MCC: variants seen among roughly 807,000 people sequenced by gnomAD.
The protein encoded by MCC is MCC regulator of Wnt signaling pathway.
In MCC, 90 loss-of-function variants were observed where a neutral mutation model predicts 116.2. That is an observed-to-expected ratio of 0.77 (90% CI 0.65 to 0.92). The LOEUF is 0.92. Among genes scored for constraint, MCC ranks in the 40% least tolerant of loss-of-function variants. The pLI, the probability that MCC is intolerant of heterozygous loss-of-function variation, is 0.00. For missense variants in MCC, 1,516 were observed against 1,312.2 expected, an observed-to-expected ratio of 1.16 and a Z score of -2.40; for synonymous variants, 578 against 510.5, an observed-to-expected ratio of 1.13 and a Z score of -1.78.
intron 8 of MCC, among the ~76,000 whole-genome samples, chr5:113,099,267 T>C (rs1254797506): frequency 6.6e-6 from 1 of 152,228 alleles, no homozygotes. Flanking sequence ...ACTATACTAG[T>C]TGCACAAACT....
intron 1 of MCC, chr5:113,400,140 T>TTTTTTTTTTG (rs869250781): frequency 8.5e-6 from 1 of 118,190 alleles, no homozygotes; most frequent in Non-Finnish European, 1.8e-5. Context: ...TTTTTTTTTT[T>TTTTTTTTTTG]GAGATGGAGT....
chr5:113,343,866 A>G (rs911835201), intron 2 of MCC, among the ~76,000 whole-genome samples: 1 of 152,210 alleles, frequency 6.6e-6, no homozygotes, highest in Admixed American at 6.5e-5. Flanking sequence ...TCTGAGGTGG[A>G]GCAAGATGGC....
At chr5:113,177,881 T>C (rs1328555809) in intron 3 of MCC, among the ~76,000 whole-genome samples, 3 of 152,244 alleles carry the variant, frequency 2.0e-5, no homozygotes, top group African/African-American at 7.2e-5. Context: ...AGGTAGTTTC[T>C]AATCTTTACT....
At chr5:113,333,605 G>C (rs1767752443) in intron 3 of MCC, among the ~76,000 whole-genome samples, 1 of 150,658 alleles carries the variant, frequency 6.6e-6, no homozygotes, top group East Asian at 1.9e-4. Context: ...ACAGCCTTGA[G>C]CAGCAGGGTG....
At chr5:113,179,995 G>T (rs147475293) in intron 3 of MCC, among the ~76,000 whole-genome samples, 1 of 152,102 alleles carries the variant, frequency 6.6e-6, no homozygotes, top group African/African-American at 2.4e-5. Context: ...AGCTTCAGAC[G>T]ATGTGCTAAA....
intron 3 of MCC, among the ~76,000 whole-genome samples, chr5:113,320,111 A>G (rs1266742425): frequency 1.3e-5 from 2 of 152,208 alleles, no homozygotes; most frequent in Non-Finnish European, 2.9e-5. Context: ...TTTATTTCCT[A>G]ATCTTCTATA....
chr5:113,109,026 G>A (rs978889245), intron 6 of MCC, among the ~76,000 whole-genome samples: 10 of 152,180 alleles, frequency 6.6e-5, no homozygotes, highest in African/African-American at 2.4e-4. Flanking sequence ...AAGGTACTAC[G>A]TCAAGGTACC....
At chr5:113,116,582 G>C (rs1757407970) in intron 6 of MCC, among the ~76,000 whole-genome samples, 1 of 152,208 alleles carries the variant, frequency 6.6e-6, no homozygotes, top group Admixed American at 6.5e-5. Context: ...AAATGCTGTA[G>C]ATTAATGCCT....
chr5:113,132,126 A>T (rs1758468713), intron 5 of MCC, among the ~76,000 whole-genome samples: 2 of 151,750 alleles, frequency 1.3e-5, no homozygotes, highest in South Asian at 2.1e-4. Flanking sequence ...CTAATTTATA[A>T]TTTTTTTCTT....
chr5:113,176,360 C>T (rs556931578), intron 3 of MCC, among the ~76,000 whole-genome samples: 5 of 152,302 alleles, frequency 3.3e-5, no homozygotes, highest in East Asian at 3.9e-4. Flanking sequence ...AGCTAGTAAA[C>T]GTTTAATTGA....
intron 17 of MCC, among the ~76,000 whole-genome samples, chr5:113,039,997 C>A (rs1030261535): frequency 1.3e-5 from 2 of 151,462 alleles, no homozygotes; most frequent in Non-Finnish European, 2.9e-5. Flanking sequence ...TTACAGCACA[C>A]AGGCTGGATG....
At chr5:113,150,578 C>A (rs745575468) in intron 4 of MCC, among the ~76,000 whole-genome samples, 2 of 151,158 alleles carry the variant, frequency 1.3e-5, no homozygotes, top group Admixed American at 6.6e-5. Flanking sequence ...GATGACTACA[C>A]TGGAAGGCAA....
At chr5:113,275,792 C>A (rs1234944343) in intron 3 of MCC, among the ~76,000 whole-genome samples, 1 of 152,088 alleles carries the variant, frequency 6.6e-6, no homozygotes, top group Admixed American at 6.5e-5. Context: ...AAATACTACA[C>A]CCTTTTATAT....
Position 113,434,169 on chromosome 5 carries a change from A to G in MCC, c.171-48957T>C. ...GCGGTGCTCCTTCTGGATACGCAGC[A>G]TCTTCTTGATGTTGGAGTCGTCGTA... is the stretch of plus-strand genomic sequence containing the variant. On this transcript the variant is annotated intron_variant, in intron 1 of 18. Transcript: ENST00000408903. This position sits in a 1 kb window ranked among gnomAD's most constrained non-coding sequence, Gnocchi z 4.2. 1 of 1,614,158 alleles carries G rather than the reference A, an allele frequency of 6.2e-7. No homozygotes were observed.
intron 8 of MCC, among the ~76,000 whole-genome samples, chr5:113,085,744 T>C (rs1474989372): frequency 6.6e-6 from 1 of 152,192 alleles, no homozygotes; most frequent in Non-Finnish European, 1.5e-5. Context: ...CAGGCTGGAA[T>C]GCAGTGGTGC....
chr5:113,034,837 G>A (rs1050139501), intron 17 of MCC, among the ~76,000 whole-genome samples: 2 of 152,182 alleles, frequency 1.3e-5, no homozygotes, highest in Non-Finnish European at 2.9e-5. Flanking sequence ...AGGGCTGACA[G>A]CCTCTTTGCT....
chr5:113,137,057 C>G (rs1188071461), intron 5 of MCC, among the ~76,000 whole-genome samples: 2 of 152,134 alleles, frequency 1.3e-5, no homozygotes, highest in Admixed American at 6.5e-5. Flanking sequence ...CTATAAAGAA[C>G]TTCCCTGAGA....
At chr5:113,289,635 A>G (rs1413246094) in intron 3 of MCC, among the ~76,000 whole-genome samples, 2 of 152,120 alleles carry the variant, frequency 1.3e-5, no homozygotes, top group African/African-American at 4.8e-5. Flanking sequence ...CAAGCCACAT[A>G]GGGATGCCCA....
intron 4 of MCC, among the ~76,000 whole-genome samples, chr5:113,148,330 T>C (rs1759650756): frequency 6.6e-6 from 1 of 152,058 alleles, no homozygotes; most frequent in African/African-American, 2.4e-5. Context: ...CACATTGGTA[T>C]TGGGCTCTTC....
Sources: gnomAD v4.1 joint callset for allele counts (sites outside exome capture counted in the v4.1 genomes callset) on GRCh38, gnomAD v4.1.1 for gene constraint, Gnocchi (gnomAD v3.1) non-coding constraint, MANE v1.5 for transcripts, NCBI Gene and HGNC (gene_info 2026-07-23, HGNC 2026-07-21) for gene names.